Variants in CERCAM observed in about 807,000 individuals in gnomAD.
The protein encoded by CERCAM is inactive glycosyltransferase 25 family member 3.
Under a neutral mutation model 66.0 loss-of-function variants are expected in CERCAM, and 59 were observed. That is an observed-to-expected ratio of 0.89 (90% confidence interval 0.73 to 1.11). CERCAM has a LOEUF of 1.11. Ranked by LOEUF, CERCAM falls within the 50% of genes most tolerant of loss-of-function variation. The pLI, the probability that CERCAM is intolerant of heterozygous loss-of-function variation, is 0.00. For synonymous variants in CERCAM, 318 were observed against 343.6 expected (o/e 0.93, Z 0.83); for missense variants, 840 against 828.3 (o/e 1.01, Z -0.17).
chr9:128,423,963 C>T, intron 3 of CERCAM, 175 bp from the exon 4 acceptor site: 1 of 692,370 alleles, frequency 1.4e-6, no homozygotes, highest in Non-Finnish European at 2.5e-6. Flanking sequence ...TGAGTCAGTG[C>T]CCCAGACTAG....
At chr9:128,435,628 C>T in intron 11 of CERCAM, 25 bp from the exon 12 acceptor site, 1 of 1,573,010 alleles carries the variant, frequency 6.4e-7, no homozygotes, top group East Asian at 2.3e-5. Context: ...CCTCAATCCC[C>T]CTGAGCTATC....
chr9:128,431,548 G>A, intron 9 of CERCAM: 1 of 501,334 alleles, frequency 2.0e-6, no homozygotes, highest in Non-Finnish European at 3.6e-6. Flanking sequence ...CACAGAGGAG[G>A]ACAGGAACAA....
chr9:128,422,998 G>A lies in CERCAM; in HGVS notation c.308+20G>A. 1 of 1,613,516 alleles carries A rather than the reference G, an allele frequency of 6.2e-7. No individual in the cohort carries two copies. The highest frequency in any genetic ancestry group is 8.5e-7 in the Non-Finnish European group (1 of 1,179,964). ...GCCCAGGTGGTGATCTGAGGGGAAG[G>A]GTGCTGGGGAAGATGGAGAACAGCT... On this transcript the variant is annotated intron_variant, in intron 2 of 12. Coordinates refer to ENST00000372838, the MANE Select transcript of CERCAM (RefSeq NM_016174.5).
rs1833699774 is a variant in CERCAM at position 128,421,123 on chromosome 9, C to A, written c.197+49C>A. ...CGAGTGGGCACCTAACCCCCAGCTTCGCAGATGGCCCCCGCCCCCGGCGGC... is the reference window on the plus strand; with the variant it reads ...CGAGTGGGCACCTAACCCCCAGCTTAGCAGATGGCCCCCGCCCCCGGCGGC... On this transcript the variant is annotated intron_variant, in intron 1 of 12. Transcript: ENST00000372838. 1.9e-5 allele frequency: 24 copies of A among 1,266,080 alleles called. 1 individual carries two copies. Among genetic ancestry groups the A allele is most frequent in the Non-Finnish European group, 9.9e-7 (1 of 1,005,132 alleles). The allele number at this position is 1,266,080 out of a possible 1,614,324, so 78.4% of individuals were successfully genotyped here. A position where few individuals can be genotyped will look rare whatever the true frequency, so the allele number is the denominator to read the frequency against.
chr9:128,428,675 T>G, intron 6 of CERCAM, 82 bp from the exon 7 acceptor site: 3 of 1,480,042 alleles, frequency 2.0e-6, no homozygotes, highest in Non-Finnish European at 2.8e-6. Flanking sequence ...GGGGCAGGAA[T>G]GAGGCTGGGG....
At chr9:128,427,073 CTG>C (rs931892276) in intron 5 of CERCAM, among the ~76,000 whole-genome samples, 2 of 152,156 alleles carry the variant, frequency 1.3e-5, no homozygotes, top group Admixed American at 6.6e-5. Flanking sequence ...GGGCCAGGCT[CTG>C]TGCTCAATGC....
chr9:128,420,286 A>T (rs1588610999), upstream of CERCAM: 3 of 151,896 alleles, frequency 2.0e-5, no homozygotes. The surrounding 1 kb of genome is among the most constrained non-coding windows in gnomAD (Gnocchi z 5.0). Flanking sequence ...GCTCAGGGGG[A>T]CTCCCTCTGC....
At chr9:128,431,502 A>G (rs993431788) in intron 9 of CERCAM, 199 bp downstream of exon 9, 5 of 620,832 alleles carry the variant, frequency 8.1e-6, no homozygotes, top group African/African-American at 7.4e-5. Context: ...TCTCTTGAGC[A>G]TCTACTATGT....
At chr9:128,428,096 T>A (rs563171286) in intron 5 of CERCAM, among the ~76,000 whole-genome samples, 1 of 152,312 alleles carries the variant, frequency 6.6e-6, no homozygotes, top group South Asian at 2.1e-4. Context: ...GACAGGTATA[T>A]TGAATGAATG....
chr9:128,435,929 C>T, intron 12 of CERCAM, 24 bp downstream of exon 12: 3 of 1,582,616 alleles, frequency 1.9e-6, no homozygotes, highest in South Asian at 1.1e-5. Flanking sequence ...GGGAAGAGGC[C>T]CCAGCCCCGT....
At position 128,424,439 on chromosome 9, in the gene CERCAM, C is replaced by A. The variant is rs368947852; in HGVS notation, c.591C>A (p.Phe197Leu). The A allele has an allele frequency of 1.2e-6, 2 of 1,613,994 alleles. No homozygotes were observed. The highest frequency in any genetic ancestry group is 2.7e-5 in the African/African-American group (2 of 74,938). ...QGYYRRTAEYFPTKNRQRRGC... is the reference protein window; with the variant it reads ...QGYYRRTAEYLPTKNRQRRGC... ...ACTACCGCCGCACAGCCGAGTACTT[C>A]CCCACCAAGAACCGCCAGCGCCGGG... Residue 197 changes from phenylalanine (F) to leucine (L), a missense_variant, in exon 5 of 13, where the codon TTC (phenylalanine) becomes TTA (leucine). By Grantham distance (22) the Phe-to-Leu change is conservative. Coordinates refer to ENST00000372838, the MANE Select transcript of CERCAM (RefSeq NM_016174.5).
Position 128,432,597 on chromosome 9 carries a change from G to A in CERCAM, c.1203+1294G>A, listed in dbSNP as rs528854696. 7.4e-4 allele frequency among the ~76,000 whole-genome samples: 112 copies of A among 151,388 alleles called. 1 individual carries two copies. The highest frequency in any genetic ancestry group is 6.6e-4 in the Non-Finnish European group (45 of 67,836). ...GACAGGGTTTCGCCATGTTGGCCAGGCTGATCTCAAACTCCTGAGCTCAAG... is the reference window on the plus strand; with the variant it reads ...GACAGGGTTTCGCCATGTTGGCCAGACTGATCTCAAACTCCTGAGCTCAAG... On this transcript the variant is annotated intron_variant, in intron 9 of 12. Transcript: ENST00000372838.
In CERCAM at chr9:128,428,980, C is replaced by T. The variant is rs988973591; in HGVS notation, c.1014C>T (p.Leu338=). The part of the protein sequence containing the change: ...ARRPDRRERM[L]ASLWEMEISG... ...GGCCTGACCGTCGGGAACGCATGCTCGCCTCGCTCTGGGAGATGGAGATCT... is the reference window on the plus strand; with the variant it reads ...GGCCTGACCGTCGGGAACGCATGCTTGCCTCGCTCTGGGAGATGGAGATCT... The change falls in exon 8 of 13, where the codon CTC becomes CTT. Residue 338 remains leucine (L), a synonymous_variant. Transcript: ENST00000372838. 3 of 1,611,152 alleles carry T rather than the reference C, an allele frequency of 1.9e-6. No homozygotes were observed. Among genetic ancestry groups the T allele is most frequent in the East Asian group, 2.2e-5 (1 of 44,840 alleles).
chr9:128,423,960 G>A (rs1055141348), intron 3 of CERCAM, 178 bp from the exon 4 acceptor site: 15 of 678,782 alleles, frequency 2.2e-5, no homozygotes, highest in Non-Finnish European at 3.5e-5. Flanking sequence ...CCCTGAGTCA[G>A]TGCCCCAGAC....
intron 3 of CERCAM, 168 bp from the exon 4 acceptor site, chr9:128,423,970 C>T (rs1416107923): frequency 2.7e-6 from 2 of 731,026 alleles, no homozygotes; most frequent in East Asian, 5.0e-5. Flanking sequence ...GTGCCCCAGA[C>T]TAGAGCCTTG....
chr9:128,423,325 TCTGGGTATAGG>T, intron 3 of CERCAM, 62 bp downstream of exon 3: 1 of 1,405,478 alleles, frequency 7.1e-7, no homozygotes, highest in South Asian at 1.2e-5. Context: ...CTGATAGAAA[TCTGGGTATAGG>T]CTGGGTGCAG....
chr9:128,435,499 GGTA>G (rs1834086785), intron 11 of CERCAM, among the ~76,000 whole-genome samples, 151 bp from the exon 12 acceptor site: 1 of 152,186 alleles, frequency 6.6e-6, no homozygotes, highest in Admixed American at 6.5e-5. Context: ...GGAAAATGGA[GGTA>G]GTAGAAGTCC....
chr9:128,437,207 C>A lies in CERCAM; in HGVS notation c.*359C>A, dbSNP rs948729142. ...GCCCCCTTCTACCTCCACCTCAGCA[C>A]CCTCCCCCAGCTTGATGTTTGGGTC... On this transcript the variant is annotated 3_prime_UTR_variant, in exon 13 of 13. Transcript: ENST00000372838. The A allele has an allele frequency of 1.3e-5, 2 of 152,192 alleles. No individual in the cohort carries two copies. Among genetic ancestry groups the A allele is most frequent in the Non-Finnish European group, 1.5e-5 (1 of 67,994 alleles). The allele number at this position is 152,192 out of a possible 1,614,324, so 9.4% of individuals were successfully genotyped here.
chr9:128,422,136 C>T (rs1284860303), intron 1 of CERCAM: 1 of 152,314 alleles, frequency 6.6e-6, no homozygotes, highest in Non-Finnish European at 1.5e-5. Context: ...TGTCTAGTCC[C>T]CATTCAGAGA....
Sources: gnomAD v4.1 joint callset for allele counts (sites outside exome capture counted in the v4.1 genomes callset) on GRCh38, gnomAD v4.1.1 for gene constraint, Gnocchi (gnomAD v3.1) non-coding constraint, MANE v1.5 for transcripts, NCBI Gene and HGNC (gene_info 2026-07-23, HGNC 2026-07-21) for gene names.